GALNT13: variants seen among roughly 807,000 people sequenced by gnomAD.
GALNT13 encodes the protein polypeptide N-acetylgalactosaminyltransferase 13.
Under a neutral mutation model 64.2 loss-of-function variants are expected in GALNT13, and 28 were observed. The observed-to-expected ratio is 0.44, with a 90% CI of 0.32 to 0.60. GALNT13 has a LOEUF of 0.60. Among genes scored for constraint, GALNT13 ranks in the 20% least tolerant of loss-of-function variants. GALNT13 has a pLI of 0.05. For missense variants in GALNT13, 577 were observed against 669.8 expected (o/e 0.86, Z 1.53); for synonymous variants, 214 against 224.6 (o/e 0.95, Z 0.42).
intron 4 of GALNT13, among the ~76,000 whole-genome samples, chr2:154,239,237 T>C (rs1238403479): frequency 6.6e-6 from 1 of 152,170 alleles, no homozygotes; most frequent in Non-Finnish European, 1.5e-5. Flanking sequence ...TATCTGCTTT[T>C]AGTTTGACAT....
chr2:153,876,236 T>TACAC (rs1391883849), intron 1 of GALNT13, among the ~76,000 whole-genome samples: 4 of 107,054 alleles, frequency 3.7e-5, no homozygotes, highest in East Asian at 3.4e-4. Flanking sequence ...CACACACACA[T>TACAC]ACACACACAG....
chr2:153,693,331 G>T, the GALNT13 span, among the ~76,000 whole-genome samples: 5 of 152,122 alleles, frequency 3.3e-5, no homozygotes, highest in Non-Finnish European at 5.9e-5. Context: ...ATCGTATTCG[G>T]ATTTAGCCCT....
intron 3 of GALNT13, among the ~76,000 whole-genome samples, chr2:153,976,274 T>TAATC (rs1192077941): frequency 6.6e-6 from 1 of 150,592 alleles, no homozygotes; most frequent in Admixed American, 6.6e-5. Context: ...ATTAATTAAT[T>TAATC]AATCAATCTG....
intron 4 of GALNT13, among the ~76,000 whole-genome samples, chr2:154,174,144 T>A (rs1685518215): frequency 6.6e-6 from 1 of 152,162 alleles, no homozygotes; most frequent in African/African-American, 2.4e-5. Flanking sequence ...ATTTGTTGTT[T>A]GCAAAGATAA....
the GALNT13 span, among the ~76,000 whole-genome samples, chr2:153,479,400 C>G: frequency 1.3e-5 from 2 of 152,176 alleles, no homozygotes; most frequent in Non-Finnish European, 2.9e-5. Flanking sequence ...AAGAAGAGCT[C>G]TACACCCAGC....
chr2:154,149,138 C>G (rs1045053813), intron 4 of GALNT13, among the ~76,000 whole-genome samples: 2 of 152,152 alleles, frequency 1.3e-5, no homozygotes, highest in Non-Finnish European at 2.9e-5. Flanking sequence ...TTTCAGCTTT[C>G]TACATATGGC....
chr2:153,642,926 A>T, the GALNT13 span, among the ~76,000 whole-genome samples: 1 of 151,714 alleles, frequency 6.6e-6, no homozygotes, highest in Non-Finnish European at 1.5e-5. Flanking sequence ...CATATATTTT[A>T]AATTAAGAAA....
At chr2:154,016,059 A>T (rs6710921) in intron 3 of GALNT13, among the ~76,000 whole-genome samples, 57,056 of 152,094 alleles carry the variant, frequency 0.38, 14,765 homozygotes, top group East Asian at 0.84. Context: ...ATGATGCAAA[A>T]TTACATGTAT....
At chr2:153,341,916 G>A in the GALNT13 span, among the ~76,000 whole-genome samples, 1 of 152,246 alleles carries the variant, frequency 6.6e-6, no homozygotes, top group African/African-American at 2.4e-5. Flanking sequence ...CAGGGTCTCA[G>A]GTTGCAGGGC....
chr2:153,550,007 T>C, the GALNT13 span, among the ~76,000 whole-genome samples: 1 of 152,164 alleles, frequency 6.6e-6, no homozygotes, highest in Non-Finnish European at 1.5e-5. Flanking sequence ...AGAGATTTCA[T>C]GGGATAGGTC....
At chr2:153,425,754 C>A in the GALNT13 span, among the ~76,000 whole-genome samples, 1 of 151,656 alleles carries the variant, frequency 6.6e-6, no homozygotes. Flanking sequence ...TCAATACTGC[C>A]CTATGCCATG....
the GALNT13 span, among the ~76,000 whole-genome samples, chr2:153,168,553 G>A: frequency 5.7e-4 from 87 of 152,274 alleles, no homozygotes; most frequent in African/African-American, 2.0e-3. Context: ...GGGTGTGTGT[G>A]TGGTGAGAAC....
intron 1 of GALNT13, among the ~76,000 whole-genome samples, chr2:153,883,077 T>TTA (rs57783197): frequency 0.022 from 3,149 of 144,188 alleles, 64 homozygotes; most frequent in South Asian, 0.07. Flanking sequence ...TATATGTATA[T>TTA]TATATATATA....
At chr2:153,294,818 G>A in the GALNT13 span, among the ~76,000 whole-genome samples, 1 of 152,152 alleles carries the variant, frequency 6.6e-6, no homozygotes, top group Admixed American at 6.5e-5. Context: ...CACATCTGAT[G>A]CAAACTCTGT....
At chr2:154,297,270 A>G (rs1692981661) in intron 8 of GALNT13, among the ~76,000 whole-genome samples, 1 of 152,210 alleles carries the variant, frequency 6.6e-6, no homozygotes, top group Admixed American at 6.5e-5. Context: ...CAGCAAGACA[A>G]TTAAGAGTCT....
upstream of GALNT13, among the ~76,000 whole-genome samples, chr2:153,869,766 A>G (rs1444809795): frequency 6.6e-6 from 1 of 152,148 alleles, no homozygotes; most frequent in African/African-American, 2.4e-5. Context: ...TTGTGTATGC[A>G]TTCTCCTTGA....
At chr2:154,071,157 A>G (rs1329355206) in intron 3 of GALNT13, among the ~76,000 whole-genome samples, 1 of 152,160 alleles carries the variant, frequency 6.6e-6, no homozygotes, top group Non-Finnish European at 1.5e-5. Flanking sequence ...TTTCTGATTC[A>G]TGACTTATTT....
intron 2 of GALNT13, among the ~76,000 whole-genome samples, chr2:153,922,356 A>C (rs1243172938): frequency 6.6e-6 from 1 of 152,220 alleles, no homozygotes; most frequent in Non-Finnish European, 1.5e-5. Context: ...TTCAAAATCA[A>C]AAGAAAATAT....
At chr2:153,533,732 T>TTTTTTTTTTTTTTTTTC in the GALNT13 span, among the ~76,000 whole-genome samples, 1 of 109,324 alleles carries the variant, frequency 9.1e-6, no homozygotes, top group African/African-American at 3.2e-5. Context: ...TCTTTTTTTT[T>TTTTTTTTTTTTTTTTTC]TTTTTTTTTT....
Sources: gnomAD v4.1 joint callset for allele counts (sites outside exome capture counted in the v4.1 genomes callset) on GRCh38, gnomAD v4.1.1 for gene constraint, MANE v1.5 for transcripts, NCBI Gene and HGNC (gene_info 2026-07-23, HGNC 2026-07-21) for gene names.